MTUS2: variants seen among roughly 807,000 people sequenced by gnomAD.
MTUS2 encodes the protein microtubule-associated tumor suppressor candidate 2.
MTUS2 carries 40 observed loss-of-function variants against 114.1 expected under a neutral mutation model. The observed-to-expected ratio is 0.35, with a 90% CI of 0.27 to 0.46. MTUS2 has a LOEUF of 0.46. Among genes scored for constraint, MTUS2 ranks in the 20% least tolerant of loss-of-function variants. The probability of loss-of-function intolerance (pLI) is 1.00; values close to 1 mark genes in which losing one functional copy is unlikely to be tolerated. For missense variants in MTUS2, 1,679 were observed against 1,705.4 expected, an observed-to-expected ratio of 0.98 and a Z score of 0.27; for synonymous variants, 688 against 672.0, an observed-to-expected ratio of 1.02 and a Z score of -0.37.
rs1468987856 is a variant in MTUS2 at position 29,394,096 on chromosome 13, AG to A, written c.3117+34626del. ...ACAGCTCCTATATGATTTTGTCCAC[AG>A]GGTTGATACTACAGTGTCAAAGAAA... On this transcript the variant is annotated intron_variant, in intron 8 of 15. Transcript: ENST00000612955. Among the ~76,000 whole-genome samples the A allele has an allele frequency of 2.6e-5, 4 of 152,114 alleles. No homozygotes were observed. In the East Asian group the frequency reaches 7.7e-4, roughly 29 times the overall value.
intron 5 of MTUS2, among the ~76,000 whole-genome samples, chr13:29,260,079 A>G (rs1284115274): frequency 6.6e-6 from 1 of 152,220 alleles, no homozygotes; most frequent in East Asian, 1.9e-4. Flanking sequence ...AGATGAGTCT[A>G]GTAATTTTAG....
At chr13:29,178,509 T>C (rs188722357) in intron 5 of MTUS2, among the ~76,000 whole-genome samples, 1 of 152,244 alleles carries the variant, frequency 6.6e-6, no homozygotes, top group East Asian at 1.9e-4. Context: ...TTCTTCGCTG[T>C]TGGGGGCTGT....
chr13:28,864,429 C>G (rs1877176689), intron 2 of MTUS2, among the ~76,000 whole-genome samples: 1 of 152,206 alleles, frequency 6.6e-6, no homozygotes, highest in South Asian at 2.1e-4. Flanking sequence ...CTGACACCTG[C>G]AGCTCTTGAA....
intron 2 of MTUS2, among the ~76,000 whole-genome samples, chr13:28,930,684 CT>C (rs1422084946): frequency 1.3e-5 from 2 of 152,154 alleles, no homozygotes; most frequent in Non-Finnish European, 2.9e-5. Flanking sequence ...TAATTGGGTA[CT>C]TTCCTTGTTC....
intron 8 of MTUS2, among the ~76,000 whole-genome samples, chr13:29,364,898 T>C (rs1463811652): frequency 6.6e-6 from 1 of 152,226 alleles, no homozygotes; most frequent in East Asian, 1.9e-4. Context: ...TGCGATTATC[T>C]TCTCTTCCCT....
intron 11 of MTUS2, chr13:29,489,604 A>G (rs537895461): frequency 1.3e-5 from 2 of 152,350 alleles, no homozygotes; most frequent in South Asian, 4.1e-4. Context: ...TTTTAAAAAT[A>G]TACTGATGTG....
Position 29,090,451 on chromosome 13 carries a change from G to A in MTUS2, c.2447-10322G>A, listed in dbSNP as rs1398580328. On this transcript the variant is annotated intron_variant, in intron 4 of 15. Transcript: ENST00000612955. ...TGCAGGAGAGTACACTGTAGTCAGGGGGCTGCAGGCGAGCCCACACCAGTG... is the reference window on the plus strand; with the variant it reads ...TGCAGGAGAGTACACTGTAGTCAGGAGGCTGCAGGCGAGCCCACACCAGTG... Among the ~76,000 whole-genome samples the A allele has an allele frequency of 2.6e-5, 4 of 152,156 alleles. No homozygotes were observed. The East Asian group carries it at 7.7e-4, about 29-fold the overall frequency.
intron 4 of MTUS2, among the ~76,000 whole-genome samples, chr13:29,039,540 C>A (rs1887254140): frequency 6.6e-6 from 1 of 152,224 alleles, no homozygotes; most frequent in Admixed American, 6.5e-5. Flanking sequence ...ATCCTTCCCA[C>A]TGATGGTCCC....
chr13:29,481,190 A>C (rs774543771), intron 10 of MTUS2, among the ~76,000 whole-genome samples: 1 of 152,228 alleles, frequency 6.6e-6, no homozygotes, highest in African/African-American at 2.4e-5. Context: ...CTTCGCCCAG[A>C]AACCTTACTG....
At chr13:29,114,691 C>A (rs1891015995) in intron 5 of MTUS2, among the ~76,000 whole-genome samples, 1 of 152,170 alleles carries the variant, frequency 6.6e-6, no homozygotes, top group Non-Finnish European at 1.5e-5. Context: ...CATTGGTGCA[C>A]TATTATCCTC....
chr13:29,148,403 C>A (rs1352752444), intron 5 of MTUS2, among the ~76,000 whole-genome samples: 1 of 151,624 alleles, frequency 6.6e-6, no homozygotes, highest in East Asian at 1.9e-4. Context: ...GTTGTTGCCC[C>A]CCCATGTGTC....
chr13:29,157,119 A>T (rs1244409571), intron 5 of MTUS2, among the ~76,000 whole-genome samples: 2 of 152,184 alleles, frequency 1.3e-5, no homozygotes, highest in Non-Finnish European at 2.9e-5. Context: ...ATTCTCTGCC[A>T]TGCTCGTGGG....
intron 4 of MTUS2, among the ~76,000 whole-genome samples, chr13:29,065,232 A>G (rs760589929): frequency 9.9e-5 from 15 of 152,198 alleles, no homozygotes; most frequent in Non-Finnish European, 1.8e-4. Context: ...GAGCTAATTT[A>G]CATTCTTACC....
intron 5 of MTUS2, among the ~76,000 whole-genome samples, chr13:29,195,613 CAG>C (rs1295917185): frequency 4.7e-5 from 7 of 148,028 alleles, no homozygotes; most frequent in Admixed American, 6.8e-5. Context: ...TTGAAAGATG[CAG>C]AGAGTGTCAA....
intron 8 of MTUS2, among the ~76,000 whole-genome samples, chr13:29,408,455 A>G (rs1413316072): frequency 6.6e-6 from 1 of 152,102 alleles, no homozygotes; most frequent in Admixed American, 6.6e-5. Flanking sequence ...AGCTGGGACT[A>G]TGGGCACAGG....
intron 2 of MTUS2, among the ~76,000 whole-genome samples, chr13:28,957,234 T>C (rs74041669): frequency 0.052 from 7,988 of 152,280 alleles, 684 homozygotes; most frequent in African/African-American, 0.18. Context: ...TTTCCCTTTA[T>C]GAAGAGGTGA....
At chr13:29,225,295 C>T (rs1896063325) in intron 5 of MTUS2, among the ~76,000 whole-genome samples, 1 of 152,138 alleles carries the variant, frequency 6.6e-6, no homozygotes, top group South Asian at 2.1e-4. Flanking sequence ...TAATCCGTTA[C>T]TGGCATATGT....
At chr13:28,977,150 G>C (rs1226965919) in intron 2 of MTUS2, among the ~76,000 whole-genome samples, 1 of 152,072 alleles carries the variant, frequency 6.6e-6, no homozygotes, top group Non-Finnish European at 1.5e-5. Flanking sequence ...TATCTGGTGG[G>C]GTCATTGCGG....
At chr13:29,130,815 G>A (rs898571487) in intron 5 of MTUS2, among the ~76,000 whole-genome samples, 5 of 151,966 alleles carry the variant, frequency 3.3e-5, no homozygotes, top group South Asian at 4.2e-4. Context: ...TAGTAGAGAC[G>A]GGGTTTCAGC....
Sources: allele counts gnomAD v4.1 joint callset (sites outside exome capture counted in the v4.1 genomes callset), GRCh38; gene constraint gnomAD v4.1.1; transcripts MANE v1.5; gene names NCBI Gene and HGNC (gene_info 2026-07-23, HGNC 2026-07-21).